The following PTPRK variants were observed in gnomAD, a reference collection of about 807,000 sequenced individuals.
PTPRK encodes receptor-type tyrosine-protein phosphatase kappa.
A neutral mutation model predicts 178.0 loss-of-function variants in PTPRK; 75 were observed. That is an observed-to-expected ratio of 0.42 (90% CI 0.35 to 0.51). The LOEUF (loss-of-function observed/expected upper bound fraction) is 0.51, where lower values mean the gene tolerates loss of function less well. Among genes scored for constraint, PTPRK ranks in the 20% least tolerant of loss-of-function variants. The probability of loss-of-function intolerance (pLI) is 0.02; values close to 1 mark genes in which losing one functional copy is unlikely to be tolerated. For synonymous variants in PTPRK, 637 were observed against 620.6 expected (o/e 1.03, Z -0.39); for missense variants, 1,441 against 1,797.8 (o/e 0.80, Z 3.59).
chr6:128,391,968 G>GA (rs1295798792), intron 2 of PTPRK, among the ~76,000 whole-genome samples: 1 of 151,944 alleles, frequency 6.6e-6, no homozygotes, highest in Admixed American at 6.6e-5. Flanking sequence ...AGTATCAGAA[G>GA]AAAGCCAGGT....
chr6:128,095,409 C>A (rs1247003909), intron 7 of PTPRK, among the ~76,000 whole-genome samples: 1 of 152,046 alleles, frequency 6.6e-6, no homozygotes, highest in South Asian at 2.1e-4. Flanking sequence ...CCAACCTACC[C>A]CATTTTGTTG....
chr6:128,429,826 C>CA (rs1476186037), intron 1 of PTPRK, among the ~76,000 whole-genome samples: 25 of 152,072 alleles, frequency 1.6e-4, no homozygotes, highest in Admixed American at 3.9e-4. Flanking sequence ...GAGAGACTTA[C>CA]AAAAAAGATC....
rs543769781 is a variant in PTPRK at position 128,306,031 on chromosome 6, A to G, written c.495+16008T>C. On this transcript the variant is annotated intron_variant, in intron 3 of 29. Transcript: ENST00000368226. ...GAAGGGGGAAGCCTCTTATAAAACC[A>G]TCAGATCTCCTGAGAACTCACTCAC... 2.2e-3 allele frequency among the ~76,000 whole-genome samples: 331 copies of G among 152,314 alleles called. 2 individuals carry two copies. The highest frequency in any genetic ancestry group is 7.6e-3 in the African/African-American group (317 of 41,572).
chr6:128,249,623 A>G (rs529209969), intron 3 of PTPRK, among the ~76,000 whole-genome samples: 19 of 152,180 alleles, frequency 1.2e-4, no homozygotes, highest in Non-Finnish European at 2.4e-4. Flanking sequence ...ATGTAACCAG[A>G]GTAGTAAACA....
intron 13 of PTPRK, among the ~76,000 whole-genome samples, chr6:128,039,426 A>C (rs1776790179): frequency 6.6e-6 from 1 of 152,200 alleles, no homozygotes. Flanking sequence ...AAATGCCCAC[A>C]TTAAGTAAAT....
intron 7 of PTPRK, among the ~76,000 whole-genome samples, chr6:128,142,909 A>G (rs1199430821): frequency 6.6e-6 from 1 of 152,098 alleles, no homozygotes; most frequent in Non-Finnish European, 1.5e-5. Flanking sequence ...ACAATTTGGT[A>G]CATTGTTTCT....
chr6:128,415,226 C>T (rs1379304634), intron 1 of PTPRK, among the ~76,000 whole-genome samples: 4 of 152,084 alleles, frequency 2.6e-5, no homozygotes, highest in African/African-American at 7.2e-5. Context: ...TTCCTCCCAA[C>T]GATCTCAGAA....
intron 1 of PTPRK, among the ~76,000 whole-genome samples, chr6:128,516,351 C>T (rs1196164904): frequency 1.3e-5 from 2 of 151,808 alleles, no homozygotes; most frequent in African/African-American, 4.8e-5. Context: ...CTACATCTCA[C>T]GACCTAGGAA....
chr6:128,155,190 T>C (rs1247128555), intron 7 of PTPRK, among the ~76,000 whole-genome samples: 1 of 151,800 alleles, frequency 6.6e-6, no homozygotes, highest in Non-Finnish European at 1.5e-5. Flanking sequence ...GTAGTTATAC[T>C]AGAAGTTTGA....
intron 1 of PTPRK, among the ~76,000 whole-genome samples, chr6:128,401,341 CT>C (rs1310915031): frequency 1.3e-5 from 2 of 152,186 alleles, no homozygotes; most frequent in African/African-American, 4.8e-5. Context: ...GTAAGTACCC[CT>C]GACCCCAAAA....
intron 1 of PTPRK, among the ~76,000 whole-genome samples, chr6:128,409,539 T>G (rs1842061119): frequency 6.6e-6 from 1 of 152,244 alleles, no homozygotes; most frequent in African/African-American, 2.4e-5. Flanking sequence ...TTCAACATTT[T>G]TACTCATAGC....
chr6:128,473,152 T>C (rs1385237285), intron 1 of PTPRK, among the ~76,000 whole-genome samples: 2 of 152,018 alleles, frequency 1.3e-5, no homozygotes, highest in African/African-American at 4.8e-5. Context: ...TGCAAAACAG[T>C]TCTTCAGCCT....
intron 2 of PTPRK, among the ~76,000 whole-genome samples, chr6:128,369,579 T>C (rs1835986449): frequency 1.3e-5 from 2 of 152,142 alleles, no homozygotes; most frequent in South Asian, 4.1e-4. Context: ...GTTCAAAGAA[T>C]TATATTTAGT....
chr6:128,050,513 A>G (rs1238689392), intron 13 of PTPRK, among the ~76,000 whole-genome samples: 1 of 152,188 alleles, frequency 6.6e-6, no homozygotes, highest in East Asian at 1.9e-4. Flanking sequence ...AACTGCAATG[A>G]ACATAACTCC....
chr6:127,988,655 A>G (rs1776248167), intron 21 of PTPRK, among the ~76,000 whole-genome samples: 1 of 152,026 alleles, frequency 6.6e-6, no homozygotes, highest in Admixed American at 6.6e-5. Context: ...GTTTATACAT[A>G]ATATTTTCCA....
intron 3 of PTPRK, among the ~76,000 whole-genome samples, chr6:128,253,040 G>A (rs1324380840): frequency 6.6e-6 from 1 of 152,062 alleles, no homozygotes; most frequent in African/African-American, 2.4e-5. Flanking sequence ...ACAGTATAAG[G>A]TATGCCAAAC....
chr6:128,083,406 T>G (rs1351110146), intron 9 of PTPRK, among the ~76,000 whole-genome samples: 1 of 151,946 alleles, frequency 6.6e-6, no homozygotes, highest in South Asian at 2.1e-4. Context: ...AAATGAGGGT[T>G]TTTTAATATG....
At position 127,973,836 on chromosome 6, in the gene PTPRK, G is replaced by A. The variant is rs1774209407; in HGVS notation, c.3970-9C>T. The A allele has an allele frequency of 1.9e-6, 3 of 1,606,118 alleles. No individual in the cohort carries two copies. The highest frequency in any genetic ancestry group is 2.7e-5 in the African/African-American group (2 of 74,598). On this transcript the variant is annotated splice_polypyrimidine_tract_variant and intron_variant, in intron 27 of 29. Coordinates refer to ENST00000368226, the MANE Select transcript of PTPRK (RefSeq NM_002844.4). ...AGATAACCTTCCTGTGGCTGTAGAG[G>A]GAAGTGTTTTTATGTAAATACGCTG...
intron 1 of PTPRK, among the ~76,000 whole-genome samples, chr6:128,480,046 A>G (rs551783503): frequency 1.3e-5 from 2 of 152,124 alleles, no homozygotes; most frequent in Non-Finnish European, 2.9e-5. Context: ...ACTTCCAGAC[A>G]TGTTGGCTCT....
Sources: allele counts gnomAD v4.1 joint callset (sites outside exome capture counted in the v4.1 genomes callset), GRCh38; gene constraint gnomAD v4.1.1; transcripts MANE v1.5; gene names NCBI Gene and HGNC (gene_info 2026-07-23, HGNC 2026-07-21).